Variants in CSMD1 observed in about 807,000 individuals in gnomAD.
CSMD1 encodes CUB and sushi domain-containing protein 1.
Under a neutral mutation model 417.5 loss-of-function variants are expected in CSMD1, and 213 were observed. The ratio of observed to expected loss-of-function variants is 0.51; its 90% CI spans 0.46 to 0.57. The LOEUF (loss-of-function observed/expected upper bound fraction) is 0.57. CSMD1 is among the 20% of genes least tolerant of loss of function. The pLI is 0.00. For synonymous variants in CSMD1, 2,862 were observed against 1,736.8 expected (o/e 1.65, Z -16.11); for missense variants, 6,923 against 4,529.7 (o/e 1.53, Z -15.17).
intron 2 of CSMD1, among the ~76,000 whole-genome samples, chr8:4,508,760 C>T (rs541045636): frequency 3.9e-5 from 6 of 152,170 alleles, no homozygotes; most frequent in East Asian, 1.9e-4. Flanking sequence ...GTAAAACACT[C>T]ATAAATTATT....
chr8:3,361,549 G>A (rs1029158936), intron 20 of CSMD1, among the ~76,000 whole-genome samples: 2 of 151,214 alleles, frequency 1.3e-5, no homozygotes, highest in Non-Finnish European at 2.9e-5. Flanking sequence ...CTACTCGGGA[G>A]GCCGAGGCAG....
chr8:4,473,819 G>A (rs950420340), intron 2 of CSMD1, among the ~76,000 whole-genome samples: 2 of 152,106 alleles, frequency 1.3e-5, no homozygotes, highest in Admixed American at 6.6e-5. Context: ...AATAGAGATA[G>A]AATTGTCAAA....
chr8:3,354,831 A>G (rs1334311971), intron 21 of CSMD1, among the ~76,000 whole-genome samples: 1 of 147,092 alleles, frequency 6.8e-6, no homozygotes, highest in East Asian at 1.9e-4. Context: ...CTATAGATAC[A>G]TATATAGATA....
intron 10 of CSMD1, among the ~76,000 whole-genome samples, chr8:3,564,940 A>G (rs1029843344): frequency 1.3e-5 from 2 of 151,880 alleles, no homozygotes; most frequent in Non-Finnish European, 2.9e-5. Context: ...GGACACAATC[A>G]TGGATCAACG....
rs750274069 is a variant in CSMD1 at position 3,932,577 on chromosome 8, C to T, written c.818+65326G>A. ...TCAATGCATTGCAGTCTAATTAGTA[C>T]TGTGGCTAGTTAAAAATCCACAAAC... On this transcript the variant is annotated intron_variant, in intron 5 of 69. Transcript: ENST00000635120. Among the ~76,000 whole-genome samples the T allele has an allele frequency of 3.4e-4, 51 of 150,682 alleles. 5 individuals carry two copies. Among genetic ancestry groups the T allele is most frequent in the Admixed American group, 1.4e-3 (21 of 15,150 alleles).
intron 1 of CSMD1, among the ~76,000 whole-genome samples, chr8:4,789,896 A>C (rs1447241156): frequency 6.6e-6 from 1 of 152,152 alleles, no homozygotes; most frequent in African/African-American, 2.4e-5. Flanking sequence ...TAAGTAATAG[A>C]ATTTAGTAGT....
At chr8:4,820,394 C>G (rs1364568317) in intron 1 of CSMD1, among the ~76,000 whole-genome samples, 2 of 152,110 alleles carry the variant, frequency 1.3e-5, no homozygotes, top group Non-Finnish European at 2.9e-5. Context: ...TTTAATAGAG[C>G]TTGCTTGGCA....
Position 4,207,426 on chromosome 8 carries a change from CAACT to C in CSMD1, c.416-175331_416-175328del, listed in dbSNP as rs553989221. Among the ~76,000 whole-genome samples, 749 of 152,146 alleles carry C rather than the reference CAACT, an allele frequency of 4.9e-3. 7 individuals are homozygous for C. The highest frequency in any genetic ancestry group is 0.017 in the African/African-American group (715 of 41,526). Reference sequence around the variant, plus strand: ...AAGCAAATCATATTTTGTCTTCAACCAACTATTTTACAGTCATTTAATTGAACCA... The same window carrying C: ...AAGCAAATCATATTTTGTCTTCAACCATTTTACAGTCATTTAATTGAACCA... On this transcript the variant is annotated intron_variant, in intron 3 of 69. Coordinates refer to ENST00000635120, the MANE Select transcript of CSMD1 (RefSeq NM_033225.6).
chr8:3,152,225 T>A (rs1819240371), intron 39 of CSMD1, among the ~76,000 whole-genome samples: 1 of 152,234 alleles, frequency 6.6e-6, no homozygotes, highest in Non-Finnish European at 1.5e-5. Flanking sequence ...CTCACATGTT[T>A]TGCTACTGTA....
At position 4,389,810 on chromosome 8, in the gene CSMD1, TATTTA is replaced by T. The variant is rs531705468; in HGVS notation, c.415+30138_415+30142del. On this transcript the variant is annotated intron_variant, in intron 3 of 69. Transcript: ENST00000635120. ...AAAATGTAAAGCCTTACAACTACTT[TATTTA>T]AAGTACTCTAAAGCATAATGTCTAC... Among the ~76,000 whole-genome samples, 245 of 152,302 alleles carry T rather than the reference TATTTA, an allele frequency of 1.6e-3. 4 individuals are homozygous for T. Among genetic ancestry groups the T allele is most frequent in the Middle Eastern group, 6.8e-3 (2 of 294 alleles).
chr8:3,306,428 C>A lies in CSMD1; in HGVS notation c.3950+1267G>T, dbSNP rs116961690. The stretch of plus-strand genomic sequence containing the variant: ...ATCTTAAGTGATCCACCCACCTCGG[C>A]CTCCCAAAGTGTTAGGCATGAGCCA... On this transcript the variant is annotated intron_variant, in intron 25 of 69. Coordinates refer to ENST00000635120, the MANE Select transcript of CSMD1 (RefSeq NM_033225.6). Among the ~76,000 whole-genome samples the A allele has an allele frequency of 7.9e-3, 1,205 of 152,216 alleles. 3 individuals are homozygous for A. Among genetic ancestry groups the A allele is most frequent in the Non-Finnish European group, 0.013 (897 of 68,012 alleles).
intron 47 of CSMD1, among the ~76,000 whole-genome samples, chr8:3,095,238 C>A (rs11775783): frequency 6.6e-6 from 1 of 151,970 alleles, no homozygotes; most frequent in South Asian, 2.1e-4. Context: ...TCTATATATA[C>A]ACAAACACAA....
At chr8:4,902,563 T>C (rs1804956771) in intron 1 of CSMD1, among the ~76,000 whole-genome samples, 1 of 152,236 alleles carries the variant, frequency 6.6e-6, no homozygotes, top group African/African-American at 2.4e-5. Flanking sequence ...ATTTTCTTCT[T>C]AGAATTAGAA....
intron 23 of CSMD1, among the ~76,000 whole-genome samples, chr8:3,326,100 G>T (rs765776483): frequency 6.6e-6 from 1 of 152,164 alleles, no homozygotes; most frequent in East Asian, 1.9e-4. Flanking sequence ...GCCACAGAAT[G>T]CTTGGCTTCT....
chr8:4,774,549 T>C (rs1036290155), intron 1 of CSMD1, among the ~76,000 whole-genome samples: 2 of 152,340 alleles, frequency 1.3e-5, no homozygotes, highest in East Asian at 1.9e-4. Flanking sequence ...GGCAGACATA[T>C]AGACATTCTG....
intron 5 of CSMD1, among the ~76,000 whole-genome samples, chr8:3,975,990 T>C (rs1813408861): frequency 6.6e-6 from 1 of 152,196 alleles, no homozygotes; most frequent in African/African-American, 2.4e-5. Flanking sequence ...TATCAGTTTT[T>C]AACATTTAAA....
Position 3,122,477 on chromosome 8 carries a change from T to C in CSMD1, c.6242-3890A>G, listed in dbSNP as rs1354010265. On this transcript the variant is annotated intron_variant, in intron 41 of 69. Transcript: ENST00000635120. ...AACTCACAATTTTGTGAAAATGGAATTTGCAGTTGACGTGGTATGGCTGTG... is the reference window on the plus strand; with the variant it reads ...AACTCACAATTTTGTGAAAATGGAACTTGCAGTTGACGTGGTATGGCTGTG... 2.0e-5 allele frequency among the ~76,000 whole-genome samples: 3 copies of C among 152,292 alleles called. No individual in the cohort carries two copies. In the East Asian group the frequency reaches 5.8e-4, roughly 29 times the overall value.
At chr8:3,853,055 G>A (rs1804024152) in intron 5 of CSMD1, among the ~76,000 whole-genome samples, 1 of 152,104 alleles carries the variant, frequency 6.6e-6, no homozygotes, top group African/African-American at 2.4e-5. Flanking sequence ...CATCAGTCGA[G>A]CAACCCACGT....
intron 10 of CSMD1, among the ~76,000 whole-genome samples, chr8:3,525,854 C>A (rs1797731552): frequency 6.6e-6 from 1 of 152,080 alleles, no homozygotes; most frequent in Non-Finnish European, 1.5e-5. Context: ...GTCTCCAGAA[C>A]CCCCATTAGA....
Sources: gnomAD v4.1 joint callset for allele counts (sites outside exome capture counted in the v4.1 genomes callset) on GRCh38, gnomAD v4.1.1 for gene constraint, MANE v1.5 for transcripts, NCBI Gene and HGNC (gene_info 2026-07-23, HGNC 2026-07-21) for gene names.